Variants in ZNF280C observed in about 807,000 individuals in gnomAD.
The protein encoded by ZNF280C is suppressor of hairy wing homolog 3.
ZNF280C carries 14 observed loss-of-function variants against 53.6 expected under a neutral mutation model. The observed-to-expected ratio is 0.26, with a 90% confidence interval of 0.17 to 0.41. The LOEUF (loss-of-function observed/expected upper bound fraction) is 0.41. Ranked by LOEUF, ZNF280C falls within the 10% of genes least tolerant of loss-of-function variation. ZNF280C has a pLI of 1.00. For synonymous variants in ZNF280C, 203 were observed against 181.1 expected (o/e 1.12, Z -0.97); for missense variants, 416 against 547.1 (o/e 0.76, Z 2.39).
chrX:130,238,046 G>A (rs2032352233), intron 6 of ZNF280C, among the ~76,000 whole-genome samples: 1 of 111,180 alleles, frequency 9.0e-6, no homozygotes, highest in African/African-American at 3.3e-5. Context: ...GGCTTGCGGT[G>A]TTCCCTACCT....
chrX:130,225,259 T>C (rs919737374), intron 12 of ZNF280C, among the ~76,000 whole-genome samples: 1 of 110,632 alleles, frequency 9.0e-6, no homozygotes, highest in South Asian at 3.9e-4. Context: ...AATTAGACAG[T>C]CAGAGATACT....
At chrX:130,260,240 C>T (rs761654414) in intron 2 of ZNF280C, among the ~76,000 whole-genome samples, 179 bp downstream of exon 2, 4 of 111,032 alleles carry the variant, frequency 3.6e-5, no homozygotes, top group Non-Finnish European at 7.6e-5. Flanking sequence ...TGAGATCATG[C>T]CACTGCACTC....
chrX:130,260,350 C>CT, intron 2 of ZNF280C, 69 bp downstream of exon 2: 1 of 890,643 alleles, frequency 1.1e-6, no homozygotes, highest in Non-Finnish European at 1.5e-6. Context: ...TGTCTCTAAT[C>CT]TTTTCTTTTG....
intron 2 of ZNF280C, among the ~76,000 whole-genome samples, chrX:130,248,948 G>A (rs1004945224): frequency 1.8e-5 from 2 of 111,646 alleles, no homozygotes; most frequent in African/African-American, 3.3e-5. Context: ...GCCAGTGGGA[G>A]TGCACTCCGC....
chrX:130,225,958 T>C (rs1353691540), intron 12 of ZNF280C, among the ~76,000 whole-genome samples: 2 of 112,094 alleles, frequency 1.8e-5, no homozygotes, highest in Non-Finnish European at 3.8e-5. Context: ...AAAGGCACTA[T>C]TGCTGTTTCA....
Position 130,205,119 on chromosome X carries a change from A to G in ZNF280C, c.2196T>C (p.Thr732=), listed in dbSNP as rs1433096079. 3 of 1,199,332 alleles carry G rather than the reference A, an allele frequency of 2.5e-6. No homozygotes were observed. Among genetic ancestry groups the G allele is most frequent in the African/African-American group, 3.5e-5 (2 of 56,906 alleles). Residue 732 remains threonine, a splice_region_variant and synonymous_variant, in exon 18 of 19, where the codon ACT becomes ACC. Coordinates refer to ENST00000370978, the MANE Select transcript of ZNF280C (RefSeq NM_017666.5). ...CACTGAAGGAAAATTAAACTTACCC[A>G]GTAGTGGGTTCAGAAGTTGAGGTAC... ...SKSTSTSEPT[T]GCSLK
At chrX:130,263,488 A>G (rs1216534423) in intron 1 of ZNF280C, among the ~76,000 whole-genome samples, 1 of 112,167 alleles carries the variant, frequency 8.9e-6, no homozygotes, top group African/African-American at 3.2e-5. Flanking sequence ...CATTCATACC[A>G]AATGTCTAGA....
chrX:130,238,233 T>G (rs1202066897), intron 6 of ZNF280C, among the ~76,000 whole-genome samples: 1 of 111,647 alleles, frequency 9.0e-6, no homozygotes, highest in African/African-American at 3.2e-5. Context: ...CTGTTTATTG[T>G]CAAATCCTTT....
chrX:130,254,980 G>A (rs1375811945), intron 2 of ZNF280C, among the ~76,000 whole-genome samples: 1 of 103,146 alleles, frequency 9.7e-6, no homozygotes, highest in Non-Finnish European at 2.0e-5. Flanking sequence ...AACATCTTTA[G>A]ACAGATAAGA....
chrX:130,246,752 C>A lies in ZNF280C; in HGVS notation c.178+107G>T, dbSNP rs1398847064. 4.8e-5 allele frequency: 47 copies of A among 976,410 alleles called. No homozygotes were observed. The South Asian group carries it at 1.1e-3, about 23-fold the overall frequency. 80.5% of individuals were successfully genotyped at this position (976,410 alleles called of 1,213,427 possible). ...CTGACCTTTACTCTCCCTCTTACCT[C>A]TAACTCCTTACAGAAGAACAACAGT... On this transcript the variant is annotated intron_variant, in intron 3 of 18. Transcript: ENST00000370978.
intron 2 of ZNF280C, among the ~76,000 whole-genome samples, chrX:130,249,513 A>G (rs1297157606): frequency 8.9e-6 from 1 of 112,189 alleles, no homozygotes; most frequent in East Asian, 2.8e-4. Context: ...GTCCAATATC[A>G]GTCCTACAAA....
intron 12 of ZNF280C, among the ~76,000 whole-genome samples, chrX:130,224,099 A>C (rs2032196598): frequency 3.6e-5 from 4 of 111,925 alleles, no homozygotes. Flanking sequence ...TCATATGGCG[A>C]AATCCTAATT....
At chrX:130,265,417 A>C (rs903359397) in intron 1 of ZNF280C, among the ~76,000 whole-genome samples, 1 of 112,517 alleles carries the variant, frequency 8.9e-6, no homozygotes, top group Non-Finnish European at 1.9e-5. Flanking sequence ...AATATGGGGA[A>C]AAGACTAATG....
intron 2 of ZNF280C, among the ~76,000 whole-genome samples, chrX:130,253,983 A>C (rs1315973233): frequency 8.9e-6 from 1 of 112,245 alleles, no homozygotes. Flanking sequence ...ACCTACAGAC[A>C]GGAGAAAAAT....
intron 2 of ZNF280C, among the ~76,000 whole-genome samples, chrX:130,255,728 G>A (rs2032563631): frequency 8.9e-6 from 1 of 111,773 alleles, no homozygotes; most frequent in Middle Eastern, 4.6e-3. Flanking sequence ...GCCAAGGCAG[G>A]TGGATCACTT....
At chrX:130,260,120 A>C in intron 2 of ZNF280C, among the ~76,000 whole-genome samples, 1 of 110,196 alleles carries the variant, frequency 9.1e-6, no homozygotes, top group Middle Eastern at 4.6e-3. Context: ...GTCTCTACTG[A>C]AAATACAAAA....
intron 1 of ZNF280C, among the ~76,000 whole-genome samples, chrX:130,267,948 G>A (rs190306184): frequency 8.9e-6 from 1 of 111,915 alleles, no homozygotes; most frequent in Admixed American, 9.5e-5. Context: ...AAGGTCTCCC[G>A]TGCTTGCAGA....
chrX:130,236,562 T>C lies in ZNF280C; in HGVS notation c.571A>G (p.Thr191Ala), dbSNP rs1033204561. The C allele has an allele frequency of 4.3e-5, 52 of 1,204,751 alleles. No individual in the cohort carries two copies. Among genetic ancestry groups the C allele is most frequent in the Non-Finnish European group, 5.4e-5 (48 of 891,473 alleles). Residue 191 changes from threonine (T) to alanine (A), a missense_variant, in exon 7 of 19, where the codon ACC (threonine) becomes GCC (alanine). Thr to Ala is a moderately conservative substitution (Grantham distance 58). This residue lies in a region of ZNF280C where 193 missense variants were observed against 201.4 expected (regional missense o/e 0.96). Coordinates refer to ENST00000370978, the MANE Select transcript of ZNF280C (RefSeq NM_017666.5). Reference protein sequence around the residue: ...VNSVTPKKPKTSEDVPQINPS... With the variant: ...VNSVTPKKPKASEDVPQINPS... ...TTTATCTGAGGAACATCTTCACTGG[T>C]CTTTGGTTTTTTTGGAGTAACACTG...
chrX:130,246,162 A>G (rs750735362), intron 3 of ZNF280C, among the ~76,000 whole-genome samples: 3 of 112,509 alleles, frequency 2.7e-5, no homozygotes, highest in Non-Finnish European at 3.7e-5. Flanking sequence ...CTAACAATCC[A>G]CAAAGGTACT....
Sources: allele counts gnomAD v4.1 joint callset (sites outside exome capture counted in the v4.1 genomes callset), GRCh38; gene constraint gnomAD v4.1.1; regional missense constraint gnomAD v4.1.1; transcripts MANE v1.5; gene names NCBI Gene and HGNC (gene_info 2026-07-23, HGNC 2026-07-21).